MCOLN2: variants seen among roughly 807,000 people sequenced by gnomAD.
MCOLN2 encodes mucolipin-2.
Under a neutral mutation model 67.5 loss-of-function variants are expected in MCOLN2, and 57 were observed. The observed-to-expected ratio is 0.84, with a 90% CI of 0.68 to 1.05. The LOEUF (loss-of-function observed/expected upper bound fraction) is 1.05. MCOLN2 is among the 50% of genes least tolerant of loss of function. MCOLN2 has a pLI of 0.00. For synonymous variants in MCOLN2, 246 were observed against 233.3 expected (o/e 1.05, Z -0.50); for missense variants, 620 against 678.8 (o/e 0.91, Z 0.96).
At chr1:84,991,965 G>T (rs1571056587) in intron 1 of MCOLN2, among the ~76,000 whole-genome samples, 1 of 152,116 alleles carries the variant, frequency 6.6e-6, no homozygotes, top group South Asian at 2.1e-4. Flanking sequence ...TTTTCAGTAA[G>T]AGCCCAACTT....
chr1:84,974,896 G>A (rs2102871235), intron 1 of MCOLN2, among the ~76,000 whole-genome samples: 1 of 152,310 alleles, frequency 6.6e-6, no homozygotes, highest in Non-Finnish European at 1.5e-5. Context: ...TGGTAGTCTG[G>A]CAGTACTGCC....
intron 1 of MCOLN2, among the ~76,000 whole-genome samples, chr1:84,986,010 T>G (rs1322366730): frequency 1.3e-5 from 2 of 151,630 alleles, no homozygotes; most frequent in Admixed American, 1.3e-4. Context: ...AAAGAACAAA[T>G]CTGGAGGCAT....
intron 1 of MCOLN2, among the ~76,000 whole-genome samples, chr1:84,989,170 G>C (rs551927262): frequency 6.6e-6 from 1 of 152,072 alleles, no homozygotes; most frequent in Non-Finnish European, 1.5e-5. Context: ...CACATAATAG[G>C]TGTTCAATGA....
chr1:84,967,540 GA>G (rs1231735729), intron 1 of MCOLN2, among the ~76,000 whole-genome samples: 1 of 152,116 alleles, frequency 6.6e-6, no homozygotes, highest in Non-Finnish European at 1.5e-5. Flanking sequence ...CCTAAAAGGG[GA>G]TGCCCATTTT....
intron 1 of MCOLN2, chr1:84,971,914 A>T (rs1307271676): frequency 6.6e-6 from 1 of 152,144 alleles, no homozygotes; most frequent in African/African-American, 2.4e-5. Flanking sequence ...ATACAAAATT[A>T]GCTGGGCATG....
chr1:84,984,766 C>T (rs1650422555), intron 1 of MCOLN2, among the ~76,000 whole-genome samples: 3 of 152,076 alleles, frequency 2.0e-5, no homozygotes, highest in South Asian at 2.1e-4. Context: ...GAGGCCAAGG[C>T]GGTGGATCAC....
chr1:84,928,903 G>T (rs1315917391), intron 13 of MCOLN2, among the ~76,000 whole-genome samples: 1 of 152,034 alleles, frequency 6.6e-6, no homozygotes, highest in East Asian at 1.9e-4. Context: ...CATATGTAGG[G>T]TATACTTTTA....
At chr1:84,961,052 G>A (rs1649063501) in intron 2 of MCOLN2, among the ~76,000 whole-genome samples, 1 of 152,178 alleles carries the variant, frequency 6.6e-6, no homozygotes, top group South Asian at 2.1e-4. Flanking sequence ...ATATACTCAG[G>A]AAATGAAATA....
At chr1:84,927,288 T>A (rs563570972) in intron 13 of MCOLN2, among the ~76,000 whole-genome samples, 2 of 151,448 alleles carry the variant, frequency 1.3e-5, no homozygotes, top group African/African-American at 4.9e-5. Context: ...AAAAAAAGAA[T>A]CTCTGTGTCC....
intron 1 of MCOLN2, among the ~76,000 whole-genome samples, chr1:84,976,533 C>T (rs1037339833): frequency 7.2e-5 from 11 of 152,098 alleles, no homozygotes; most frequent in Non-Finnish European, 1.0e-4. Context: ...TTTGGGAGGC[C>T]GAGGTGGGTG....
At chr1:84,937,507 C>T (rs1471985582) in intron 11 of MCOLN2, 1 of 887,736 alleles carries the variant, frequency 1.1e-6, no homozygotes, top group African/African-American at 1.7e-5. Context: ...ACCATGTGAC[C>T]CCTTAAGCCA....
intron 1 of MCOLN2, among the ~76,000 whole-genome samples, chr1:84,991,657 A>G (rs1650895251): frequency 6.6e-6 from 1 of 152,196 alleles, no homozygotes; most frequent in Non-Finnish European, 1.5e-5. Context: ...AAAGATGAAC[A>G]TGCTAACCCT....
intron 1 of MCOLN2, 70 bp from the exon 2 acceptor site, chr1:84,965,778 T>G: frequency 6.8e-7 from 1 of 1,471,496 alleles, no homozygotes; most frequent in Non-Finnish European, 9.3e-7. Context: ...GTAACTTGCT[T>G]TCCCTAAACT....
intron 1 of MCOLN2, among the ~76,000 whole-genome samples, chr1:84,987,547 T>A (rs576415344): frequency 1.1e-5 from 1 of 94,408 alleles, no homozygotes; most frequent in African/African-American, 3.9e-5. Context: ...TATACATAGA[T>A]GTATACATCT....
chr1:84,930,508 C>T (rs558997793), intron 12 of MCOLN2, among the ~76,000 whole-genome samples: 64 of 152,200 alleles, frequency 4.2e-4, no homozygotes, highest in Non-Finnish European at 7.4e-4. Context: ...TGGCCCCCAC[C>T]ACGCAGAGAC....
At chr1:84,993,787 C>T (rs1403728202) in intron 1 of MCOLN2, among the ~76,000 whole-genome samples, 2 of 144,338 alleles carry the variant, frequency 1.4e-5, no homozygotes, top group African/African-American at 2.5e-5. Context: ...CCCGCCACCA[C>T]GCCCGGCTAA....
chr1:84,980,608 A>C (rs1650208704), intron 1 of MCOLN2, among the ~76,000 whole-genome samples: 1 of 152,218 alleles, frequency 6.6e-6, no homozygotes, highest in Admixed American at 6.5e-5. Flanking sequence ...GGTGTTGGGG[A>C]AACTGGATAT....
chr1:84,981,312 CA>C (rs1557661644), intron 1 of MCOLN2, among the ~76,000 whole-genome samples: 1 of 152,014 alleles, frequency 6.6e-6, no homozygotes, highest in Non-Finnish European at 1.5e-5. Context: ...GGGTATATGC[CA>C]AAAATAAAGG....
intron 1 of MCOLN2, 88 bp from the exon 2 acceptor site, chr1:84,965,796 G>T: frequency 5.1e-6 from 6 of 1,176,984 alleles, no homozygotes; most frequent in East Asian, 2.7e-5. Context: ...ACTTGAGTTG[G>T]TACATATGGC....
Sources: allele counts gnomAD v4.1 joint callset (sites outside exome capture counted in the v4.1 genomes callset), GRCh38; gene constraint gnomAD v4.1.1; transcripts MANE v1.5; gene names NCBI Gene and HGNC (gene_info 2026-07-23, HGNC 2026-07-21).